GREB1L: variants seen among roughly 807,000 people sequenced by gnomAD.
GREB1L encodes GREB1-like protein.
A neutral mutation model predicts 200.8 loss-of-function variants in GREB1L; 17 were observed. The observed-to-expected ratio is 0.08, with a 90% CI of 0.06 to 0.13. The LOEUF (loss-of-function observed/expected upper bound fraction) is 0.13, where lower values mean the gene tolerates loss of function less well. Ranked by LOEUF, GREB1L falls within the 10% of genes least tolerant of loss-of-function variation. GREB1L has a pLI of 1.00. For missense variants in GREB1L, 1,657 were observed against 2,367.7 expected, an observed-to-expected ratio of 0.70 and a Z score of 6.23; for synonymous variants, 789 against 893.0, an observed-to-expected ratio of 0.88 and a Z score of 2.08.
intron 21 of GREB1L, among the ~76,000 whole-genome samples, chr18:21,497,589 A>C (rs1219175083): frequency 6.6e-6 from 1 of 151,626 alleles, no homozygotes; most frequent in Non-Finnish European, 1.5e-5. Context: ...GGTTGCAGTG[A>C]GCCAAGATCG....
At chr18:21,446,381 A>G (rs1015785128) in intron 11 of GREB1L, among the ~76,000 whole-genome samples, 2 of 152,222 alleles carry the variant, frequency 1.3e-5, no homozygotes, top group Admixed American at 6.5e-5. Flanking sequence ...TAAATGAACC[A>G]AGTGGTCAAA....
chr18:21,311,849 G>A (rs899317977), intron 1 of GREB1L, among the ~76,000 whole-genome samples: 2 of 151,822 alleles, frequency 1.3e-5, no homozygotes, highest in East Asian at 1.9e-4. Context: ...TTTATTTTAG[G>A]TTCAAGGGTA....
chr18:21,510,322 T>C (rs1277644396), intron 27 of GREB1L, among the ~76,000 whole-genome samples: 1 of 152,156 alleles, frequency 6.6e-6, no homozygotes, highest in Non-Finnish European at 1.5e-5. Flanking sequence ...TCTTTTCACC[T>C]TGTGAAACAG....
chr18:21,248,983 T>G (rs1478633403), intron 1 of GREB1L, among the ~76,000 whole-genome samples: 1 of 152,172 alleles, frequency 6.6e-6, no homozygotes, highest in African/African-American at 2.4e-5. Context: ...ATTAGACAAA[T>G]GCACAAAGGC....
intron 17 of GREB1L, 116 bp downstream of exon 17, chr18:21,477,472 A>C: frequency 1.2e-6 from 1 of 818,114 alleles, no homozygotes; most frequent in South Asian, 3.3e-5. Context: ...TTCAAAATCT[A>C]ACGTAATGCT....
chr18:21,368,309 T>C (rs980088423), intron 2 of GREB1L, among the ~76,000 whole-genome samples: 3 of 152,196 alleles, frequency 2.0e-5, no homozygotes, highest in Non-Finnish European at 4.4e-5. Flanking sequence ...GATAATTGCC[T>C]AGAGCAAACC....
chr18:21,477,718 G>T (rs1400019136), intron 17 of GREB1L, among the ~76,000 whole-genome samples: 1 of 151,800 alleles, frequency 6.6e-6, no homozygotes, highest in East Asian at 1.9e-4. Flanking sequence ...CCCGGGAGGC[G>T]GAGGTTGCAG....
chr18:21,321,086 G>A (rs113843468), intron 1 of GREB1L, among the ~76,000 whole-genome samples: 3,133 of 152,042 alleles, frequency 0.021, 54 homozygotes, highest in Admixed American at 0.029. Context: ...CTGAGGTCAG[G>A]AGGTCAAGCC....
intron 11 of GREB1L, among the ~76,000 whole-genome samples, chr18:21,449,270 G>A (rs2034399481): frequency 6.6e-6 from 1 of 152,128 alleles, no homozygotes; most frequent in South Asian, 2.1e-4. Flanking sequence ...AAAGAGATCA[G>A]GAATACAGAA....
chr18:21,332,059 A>G (rs547858913), intron 1 of GREB1L, among the ~76,000 whole-genome samples: 2 of 152,338 alleles, frequency 1.3e-5, no homozygotes, highest in South Asian at 4.1e-4. Context: ...GATAACTGAA[A>G]CTTCAAAACT....
At chr18:21,440,131 A>G in intron 8 of GREB1L, 138 bp from the exon 9 acceptor site, 2 of 870,302 alleles carry the variant, frequency 2.3e-6, no homozygotes, top group East Asian at 5.4e-5. Flanking sequence ...CTTTACCTCT[A>G]AAGGAGTGAT....
intron 17 of GREB1L, among the ~76,000 whole-genome samples, chr18:21,482,899 T>G (rs1281870261): frequency 1.3e-5 from 2 of 152,182 alleles, no homozygotes; most frequent in Non-Finnish European, 2.9e-5. Flanking sequence ...TCAGACGATT[T>G]ATGATACCTG....
rs1315221226 is a variant in GREB1L at position 21,524,331 on chromosome 18, G to A, written c.*1510G>A. The A allele has an allele frequency of 1.3e-5, 2 of 152,096 alleles. No homozygotes were observed. 9.4% of individuals were successfully genotyped at this position (152,096 alleles called of 1,614,324 possible). A position where few individuals can be genotyped will look rare whatever the true frequency, so the allele number is the denominator to read the frequency against. ...ACTAAAAATGGTTTGCAGATCTCTT[G>A]GTTTTAATATAGCTACTTATAATGC... On this transcript the variant is annotated 3_prime_UTR_variant, in exon 33 of 33. Coordinates refer to ENST00000424526, the MANE Select transcript of GREB1L (RefSeq NM_001142966.3).
At chr18:21,351,027 G>A (rs2039425185) in intron 1 of GREB1L, among the ~76,000 whole-genome samples, 1 of 152,092 alleles carries the variant, frequency 6.6e-6, no homozygotes, top group African/African-American at 2.4e-5. Context: ...GTAATAGCAA[G>A]AGAGAATGGG....
chr18:21,460,408 C>T (rs1176176309), intron 15 of GREB1L, among the ~76,000 whole-genome samples: 3 of 151,968 alleles, frequency 2.0e-5, no homozygotes, highest in African/African-American at 7.3e-5. Context: ...TGCAATGGCA[C>T]AGACTTGGCT....
intron 1 of GREB1L, among the ~76,000 whole-genome samples, chr18:21,338,633 T>A (rs2039223148): frequency 6.6e-6 from 1 of 152,260 alleles, no homozygotes; most frequent in Non-Finnish European, 1.5e-5. Context: ...ATTGTCTTCA[T>A]CCACAGCTAT....
At chr18:21,487,938 G>A (rs895472573) in intron 18 of GREB1L, among the ~76,000 whole-genome samples, 1 of 152,024 alleles carries the variant, frequency 6.6e-6, no homozygotes, top group African/African-American at 2.4e-5. Context: ...TTGAACCTGG[G>A]AGGCGGAGGT....
chr18:21,248,095 G>T (rs1381833007), intron 1 of GREB1L, among the ~76,000 whole-genome samples: 5 of 152,198 alleles, frequency 3.3e-5, no homozygotes, highest in Non-Finnish European at 7.3e-5. Flanking sequence ...ATTATTAGCT[G>T]CTATTTGTCT....
At chr18:21,475,130 C>G (rs769001112) in intron 16 of GREB1L, among the ~76,000 whole-genome samples, 1 of 152,142 alleles carries the variant, frequency 6.6e-6, no homozygotes, top group Non-Finnish European at 1.5e-5. Context: ...GAAAGGACAG[C>G]AATAAGGAGG....
Sources: gnomAD v4.1 joint callset for allele counts (sites outside exome capture counted in the v4.1 genomes callset) on GRCh38, gnomAD v4.1.1 for gene constraint, MANE v1.5 for transcripts, NCBI Gene and HGNC (gene_info 2026-07-23, HGNC 2026-07-21) for gene names.